The following EVX1 variants were observed in gnomAD, a reference collection of about 807,000 sequenced individuals.
EVX1 encodes the protein homeobox even-skipped homolog protein 1.
EVX1 carries 19 observed loss-of-function variants against 28.6 expected under a neutral mutation model. The ratio of observed to expected loss-of-function variants is 0.67; its 90% confidence interval spans 0.46 to 0.98. EVX1 has a LOEUF of 0.98. Ranked by LOEUF, EVX1 falls within the 50% of genes least tolerant of loss-of-function variation. EVX1 has a pLI of 0.00. For synonymous variants in EVX1, 324 were observed against 278.2 expected, an observed-to-expected ratio of 1.16 and a Z score of -1.64; for missense variants, 660 against 583.0, an observed-to-expected ratio of 1.13 and a Z score of -1.36.
chr7:27,243,232 G>A lies in EVX1; in HGVS notation c.202G>A (p.Glu68Lys), dbSNP rs544700966. 1.8e-5 allele frequency: 28 copies of A among 1,549,222 alleles called. No individual in the cohort carries two copies. The East Asian group carries it at 3.7e-4, about 20-fold the overall frequency. Residue 68 changes from glutamate to lysine, a missense_variant, in exon 1 of 3, where the codon GAG becomes AAG. Transcript: ENST00000496902. ...RERGGGGPEE[E>K]PVDGLAGSAA... ...GCGCGGCGGGGGAGGCCCGGAGGAG[G>A]AGCCGGTAGATGGACTCGCAGGCAG... is the stretch of plus-strand genomic sequence containing the variant.
At chr7:27,244,931 G>T in intron 1 of EVX1, 117 bp from the exon 2 acceptor site, 1 of 1,455,418 alleles carries the variant, frequency 6.9e-7, no homozygotes, top group Non-Finnish European at 9.2e-7. Context: ...AGTTACTGAG[G>T]TGGCTGACAG....
At position 27,245,306 on chromosome 7, in the gene EVX1, T is replaced by C; in HGVS notation, c.684+2T>C. 1 of 1,612,990 alleles carries C rather than the reference T, an allele frequency of 6.2e-7. No individual in the cohort carries two copies. Among genetic ancestry groups the C allele is most frequent in the South Asian group, 1.1e-5 (1 of 91,082 alleles). On this transcript the variant is annotated splice_donor_variant, in intron 2 of 2. Coordinates refer to ENST00000496902, the MANE Select transcript of EVX1 (RefSeq NM_001989.5). LOFTEE classifies it high-confidence loss of function. ...AACCTGCCGGAAACCACCATCAAGGTATGCGGGGTCCAGGCTGGGGAGGCG... is the reference window on the plus strand; with the variant it reads ...AACCTGCCGGAAACCACCATCAAGGCATGCGGGGTCCAGGCTGGGGAGGCG...
chr7:27,247,194 C>G lies in EVX1; in HGVS notation c.*769C>G, dbSNP rs138860174. 6.6e-6 allele frequency: 1 copy of G among 152,350 alleles called. No homozygotes were observed. Among genetic ancestry groups the G allele is most frequent in the East Asian group, 1.9e-4 (1 of 5,194 alleles). 9.4% of individuals were successfully genotyped at this position (152,350 alleles called of 1,614,324 possible). The stretch of plus-strand genomic sequence containing the variant: ...TGCAGATGCCCCAGGAGCCCTTTGC[C>G]GCTTCTATGAGGCCAAGCCTTTTTT... On this transcript the variant is annotated 3_prime_UTR_variant, in exon 3 of 3. Transcript: ENST00000496902.
chr7:27,245,764 G>A (rs1583465969), intron 2 of EVX1, 122 bp from the exon 3 acceptor site: 5 of 1,371,256 alleles, frequency 3.6e-6, no homozygotes, highest in Non-Finnish European at 4.8e-6. Context: ...GTCTCTACCC[G>A]GCTGGTGTCT....
At chr7:27,243,489 T>C (rs1365627210) in intron 1 of EVX1, 32 bp downstream of exon 1, 56 of 1,543,504 alleles carry the variant, frequency 3.6e-5, no homozygotes, top group Non-Finnish European at 4.7e-5. Context: ...TCCCCGGGCC[T>C]CCCACTGCGC....
At chr7:27,244,677 C>T (rs1332961460) in intron 1 of EVX1, among the ~76,000 whole-genome samples, 1 of 152,196 alleles carries the variant, frequency 6.6e-6, no homozygotes, top group African/African-American at 2.4e-5. Flanking sequence ...CCAGAGTTTA[C>T]AACCCTCTAG....
intron 1 of EVX1, among the ~76,000 whole-genome samples, chr7:27,244,269 G>A (rs1016297394): frequency 3.3e-5 from 5 of 152,256 alleles, no homozygotes; most frequent in African/African-American, 7.2e-5. Flanking sequence ...TCCCCAGAAG[G>A]GGGTAGAAAA....
rs1712364501 is a variant in EVX1 at position 27,246,442 on chromosome 7, T to A, written c.*17T>A. 3.2e-6 allele frequency: 5 copies of A among 1,584,806 alleles called. No individual in the cohort carries two copies. Among genetic ancestry groups the A allele is most frequent in the Non-Finnish European group, 4.3e-6 (5 of 1,172,900 alleles). ...ACTAGATAAGGGGCCGCCGGCTGGC[T>A]GCCGGCTCCATGACGCCCGTGGGGT... On this transcript the variant is annotated 3_prime_UTR_variant, in exon 3 of 3. Transcript: ENST00000496902.
At chr7:27,245,753 G>T in intron 2 of EVX1, 133 bp from the exon 3 acceptor site, 1 of 1,245,562 alleles carries the variant, frequency 8.0e-7, no homozygotes, top group Non-Finnish European at 1.1e-6. Context: ...TGGTGGGGTC[G>T]GTCTCTACCC....
chr7:27,243,759 T>A, intron 1 of EVX1: 1 of 322,190 alleles, frequency 3.1e-6, no homozygotes, highest in Non-Finnish European at 5.6e-6. Flanking sequence ...GGGGAATGCT[T>A]CAATTGCTCG....
chr7:27,246,475 C>T lies in EVX1; in HGVS notation c.*50C>T. On this transcript the variant is annotated 3_prime_UTR_variant, in exon 3 of 3. Coordinates refer to ENST00000496902, the MANE Select transcript of EVX1 (RefSeq NM_001989.5). ...CCATGACGCCCGTGGGGTCACCCCC[C>T]GGCCCCGGGACTCAGCCAGCCTCGC... 1 of 1,537,912 alleles carries T rather than the reference C, an allele frequency of 6.5e-7. No homozygotes were observed. The highest frequency in any genetic ancestry group is 8.7e-7 in the Non-Finnish European group (1 of 1,146,174).
In EVX1 at chr7:27,245,124, G is replaced by A. The variant is rs749782928; in HGVS notation, c.504G>A (p.Gly168=). 5 of 1,613,072 alleles carry A rather than the reference G, an allele frequency of 3.1e-6. No homozygotes were observed. Among genetic ancestry groups the A allele is most frequent in the Non-Finnish European group, 3.4e-6 (4 of 1,179,944 alleles). ...CCAAGAGCAACGGCGGCAGTGGTGGGGGCGGCTCGCAAGGCACCCTGGCGT... is the reference window on the plus strand; with the variant it reads ...CCAAGAGCAACGGCGGCAGTGGTGGAGGCGGCTCGCAAGGCACCCTGGCGT... ...ETPKSNGGSG[G]GGSQGTLACS... is the part of the protein sequence containing the mutation. Residue 168 remains glycine, a synonymous_variant, in exon 2 of 3, where the codon GGG becomes GGA. Coordinates refer to ENST00000496902, the MANE Select transcript of EVX1 (RefSeq NM_001989.5).
intron 2 of EVX1, 140 bp downstream of exon 2, chr7:27,245,444 A>G (rs1009346255): frequency 1.1e-5 from 14 of 1,264,510 alleles, no homozygotes; most frequent in African/African-American, 3.0e-5. Context: ...GACCCTCGTG[A>G]CAGCTCCTAG....
chr7:27,246,702 A>AG lies in EVX1; in HGVS notation c.*280dup, dbSNP rs770583894. The AG allele has an allele frequency of 3.1e-4, 150 of 489,176 alleles. No homozygotes were observed. The highest frequency in any genetic ancestry group is 4.3e-4 in the Admixed American group (10 of 23,072). The allele number at this position is 489,176 out of a possible 1,614,324, so 30.3% of individuals were successfully genotyped here. A position where few individuals can be genotyped will look rare whatever the true frequency, so the allele number is the denominator to read the frequency against. On this transcript the variant is annotated 3_prime_UTR_variant, in exon 3 of 3. Coordinates refer to ENST00000496902, the MANE Select transcript of EVX1 (RefSeq NM_001989.5). ...GCCTCCGGACCCACCGCCCCCCACC[A>AG]GGGTCGAGGCTGTAGCTCCAAAGCT...
At position 27,242,952 on chromosome 7, in the gene EVX1, G is replaced by A. The variant is rs1470818143; in HGVS notation, c.-79G>A. The A allele has an allele frequency of 7.2e-7, 1 of 1,385,124 alleles. No homozygotes were observed. Among genetic ancestry groups the A allele is most frequent in the Non-Finnish European group, 9.5e-7 (1 of 1,051,890 alleles). The allele number at this position is 1,385,124 out of a possible 1,614,324, so 85.8% of individuals were successfully genotyped here. A position where few individuals can be genotyped will look rare whatever the true frequency, so the allele number is the denominator to read the frequency against. ...TTTCTCCCTCTTGCAACCAAGATCC[G>A]TCCGGCCGCTGGAGACCCAGGGAGC... On this transcript the variant is annotated 5_prime_UTR_variant, in exon 1 of 3. Transcript: ENST00000496902.
chr7:27,246,470 C>T lies in EVX1; in HGVS notation c.*45C>T, dbSNP rs762199021. 6.5e-7 allele frequency: 1 copy of T among 1,528,942 alleles called. No homozygotes were observed. Among genetic ancestry groups the T allele is most frequent in the Non-Finnish European group, 8.8e-7 (1 of 1,138,764 alleles). The allele number at this position is 1,528,942 out of a possible 1,614,324, so 94.7% of individuals were successfully genotyped here. A position where few individuals can be genotyped will look rare whatever the true frequency, so the allele number is the denominator to read the frequency against. On this transcript the variant is annotated 3_prime_UTR_variant, in exon 3 of 3. Coordinates refer to ENST00000496902, the MANE Select transcript of EVX1 (RefSeq NM_001989.5). The stretch of plus-strand genomic sequence containing the variant: ...CGGCTCCATGACGCCCGTGGGGTCA[C>T]CCCCCGGCCCCGGGACTCAGCCAGC...
rs1385289558 is a variant in EVX1, at chr7:27,246,900, A to G, written c.*475A>G. The G allele has an allele frequency of 5.6e-6, 1 of 177,742 alleles. No homozygotes were observed. Among genetic ancestry groups the G allele is most frequent in the African/African-American group, 2.4e-5 (1 of 41,762 alleles). The allele number at this position is 177,742 out of a possible 1,614,324, so 11.0% of individuals were successfully genotyped here. On this transcript the variant is annotated 3_prime_UTR_variant, in exon 3 of 3. Transcript: ENST00000496902. Reference sequence around the variant, plus strand: ...AAAATGCTGTGTATGCAGAGCAGGTAGAGATTAATCTTTGCCAGCTTTTCC... The same window carrying G: ...AAAATGCTGTGTATGCAGAGCAGGTGGAGATTAATCTTTGCCAGCTTTTCC...
In EVX1 at chr7:27,243,058, T is replaced by C. The variant is rs1783065909; in HGVS notation, c.28T>C (p.Phe10Leu). MESRKDMVVFLDGGQLGTLV... is the reference protein window; with the variant it reads MESRKDMVVLLDGGQLGTLV... ...GGAGAGCCGAAAGGACATGGTTGTG[T>C]TTCTGGATGGGGGTCAGCTTGGCAC... Residue 10 changes from phenylalanine to leucine, a missense_variant, in exon 1 of 3, where the codon TTT becomes CTT. Physicochemically the swap from Phe to Leu is conservative, Grantham distance 22. Transcript: ENST00000496902. 1.2e-6 allele frequency: 2 copies of C among 1,607,566 alleles called. No homozygotes were observed. The highest frequency in any genetic ancestry group is 3.4e-5 in the Admixed American group (2 of 59,356).
At chr7:27,243,561 T>TG (rs1783087037) in intron 1 of EVX1, 104 bp downstream of exon 1, 2 of 1,277,972 alleles carry the variant, frequency 1.6e-6, no homozygotes, top group Non-Finnish European at 2.1e-6. Flanking sequence ...GCAGGATGGC[T>TG]GGGGGGACCC....
Sources: allele counts gnomAD v4.1 joint callset (sites outside exome capture counted in the v4.1 genomes callset), GRCh38; gene constraint gnomAD v4.1.1; transcripts MANE v1.5; gene names NCBI Gene and HGNC (gene_info 2026-07-23, HGNC 2026-07-21).